The following CCDC148 variants were observed in gnomAD, a reference collection of about 807,000 sequenced individuals.
CCDC148 encodes coiled-coil domain-containing protein 148.
In CCDC148, 89 loss-of-function variants were observed where a neutral mutation model predicts 85.7. The observed-to-expected ratio is 1.04, with a 90% CI of 0.87 to 1.24. The LOEUF is 1.24. Among genes scored for constraint, CCDC148 ranks in the 50% most tolerant of loss-of-function variants. CCDC148 has a pLI of 0.00. For missense variants in CCDC148, 692 were observed against 671.7 expected, an observed-to-expected ratio of 1.03 and a Z score of -0.33; for synonymous variants, 230 against 213.9, an observed-to-expected ratio of 1.08 and a Z score of -0.66.
intron 1 of CCDC148, among the ~76,000 whole-genome samples, chr2:158,454,975 A>C (rs1375507412): frequency 8.5e-5 from 13 of 152,250 alleles, no homozygotes; most frequent in Non-Finnish European, 1.5e-5. Flanking sequence ...CCCACACAAA[A>C]AGATTATTGG....
At chr2:158,345,095 T>C (rs539199392) in intron 3 of CCDC148, 120 bp downstream of exon 3, 13 of 632,904 alleles carry the variant, frequency 2.1e-5, no homozygotes, top group African/African-American at 9.7e-5. Context: ...CACATTCAAA[T>C]CGTAACTTTA....
intron 9 of CCDC148, among the ~76,000 whole-genome samples, chr2:158,292,888 A>C (rs1344304528): frequency 6.6e-6 from 1 of 152,236 alleles, no homozygotes; most frequent in Non-Finnish European, 1.5e-5. Flanking sequence ...AAAGGAGTAC[A>C]CAAGATTCCT....
At chr2:158,351,537 T>C (rs1683288446) in intron 2 of CCDC148, among the ~76,000 whole-genome samples, 1 of 152,098 alleles carries the variant, frequency 6.6e-6, no homozygotes, top group Non-Finnish European at 1.5e-5. Context: ...AACCGGCGCA[T>C]CACGAGATTA....
intron 11 of CCDC148, among the ~76,000 whole-genome samples, chr2:158,185,161 T>C (rs546080849): frequency 6.6e-6 from 1 of 152,284 alleles, no homozygotes; most frequent in Admixed American, 6.5e-5. Context: ...AACCCCATTC[T>C]TTCCCAGCCC....
At chr2:158,396,430 A>G (rs1685526026) in intron 1 of CCDC148, among the ~76,000 whole-genome samples, 1 of 152,082 alleles carries the variant, frequency 6.6e-6, no homozygotes, top group Non-Finnish European at 1.5e-5. Context: ...TCTAGCTTGC[A>G]CTGCTGTCTT....
intron 10 of CCDC148, among the ~76,000 whole-genome samples, chr2:158,243,952 T>A (rs1688456915): frequency 6.6e-6 from 1 of 152,184 alleles, no homozygotes; most frequent in African/African-American, 2.4e-5. Flanking sequence ...TAATTTGTTT[T>A]CCATCTAACT....
chr2:158,293,652 C>T (rs1165060270), intron 9 of CCDC148, among the ~76,000 whole-genome samples: 1 of 152,038 alleles, frequency 6.6e-6, no homozygotes, highest in Admixed American at 6.6e-5. Context: ...CTATGGTTGG[C>T]CTTAGAGATA....
At chr2:158,386,257 G>C (rs758222877) in intron 1 of CCDC148, among the ~76,000 whole-genome samples, 1 of 152,034 alleles carries the variant, frequency 6.6e-6, no homozygotes, top group African/African-American at 2.4e-5. Flanking sequence ...TAAACAACTT[G>C]TTCAAGGATG....
chr2:158,300,347 G>C (rs1365535536), intron 9 of CCDC148, among the ~76,000 whole-genome samples: 1 of 152,154 alleles, frequency 6.6e-6, no homozygotes, highest in Non-Finnish European at 1.5e-5. Flanking sequence ...GGTAGGGGGA[G>C]GCTTACACCA....
At chr2:158,263,697 T>C (rs1423051203) in intron 9 of CCDC148, among the ~76,000 whole-genome samples, 2 of 152,040 alleles carry the variant, frequency 1.3e-5, no homozygotes, top group African/African-American at 4.8e-5. Flanking sequence ...ATTCTGCAAT[T>C]CTGGGCTTTC....
In CCDC148 at chr2:158,366,037, G is replaced by C. The variant is rs559725142; in HGVS notation, c.26-7467C>G. 1.6e-5 allele frequency: 25 copies of C among 1,543,036 alleles called. No individual in the cohort carries two copies. In the East Asian group the frequency reaches 5.7e-4, roughly 35 times the overall value. On this transcript the variant is annotated intron_variant, in intron 1 of 13. Coordinates refer to ENST00000283233, the MANE Select transcript of CCDC148 (RefSeq NM_138803.4). ...ACCTGAGCTATCATTTCTCTGAATT[G>C]TCATGAATGGTTGGTCTCTTTGATT...
rs113321740 is a variant in CCDC148, at chr2:158,301,570, A to T, written c.1110+7863T>A. Reference sequence around the variant, plus strand: ...GGAATCACGAGGAGGCTTAGTGGCCAATGAAGTAAGGATATAAGAGCAAAG... The same window carrying T: ...GGAATCACGAGGAGGCTTAGTGGCCTATGAAGTAAGGATATAAGAGCAAAG... On this transcript the variant is annotated intron_variant, in intron 9 of 13. Transcript: ENST00000283233. Among the ~76,000 whole-genome samples, 530 of 152,330 alleles carry T rather than the reference A, an allele frequency of 3.5e-3. 2 individuals carry two copies. The highest frequency in any genetic ancestry group is 0.012 in the African/African-American group (509 of 41,570).
intron 9 of CCDC148, among the ~76,000 whole-genome samples, chr2:158,271,614 T>G (rs541217911): frequency 2.6e-5 from 4 of 152,298 alleles, no homozygotes; most frequent in African/African-American, 9.6e-5. Flanking sequence ...TCATATAACT[T>G]GTATTGCAAT....
intron 7 of CCDC148, among the ~76,000 whole-genome samples, chr2:158,331,099 T>G (rs138028713): frequency 0.042 from 6,379 of 152,306 alleles, 230 homozygotes; most frequent in Middle Eastern, 0.054. Flanking sequence ...AATTGTGATG[T>G]TAGGGTGCCA....
chr2:158,295,211 C>G (rs1691121274), intron 9 of CCDC148, among the ~76,000 whole-genome samples: 3 of 151,960 alleles, frequency 2.0e-5, no homozygotes, highest in African/African-American at 7.3e-5. Flanking sequence ...ATAACAGGAG[C>G]TGAAATTGTG....
intron 1 of CCDC148, among the ~76,000 whole-genome samples, chr2:158,399,402 G>A (rs774175557): frequency 3.2e-4 from 48 of 152,102 alleles, no homozygotes; most frequent in Admixed American, 2.0e-4. Context: ...ACCAAATCCA[G>A]CAGTACATCA....
chr2:158,181,812 G>C (rs915675001), intron 11 of CCDC148, among the ~76,000 whole-genome samples: 2 of 151,942 alleles, frequency 1.3e-5, no homozygotes. Flanking sequence ...TGGACTGTGG[G>C]GGTTTTGAAA....
rs1161504916 is a variant in CCDC148 at position 158,338,829 on chromosome 2, A to G, written c.661T>C (p.Tyr221His). Residue 221 changes from tyrosine (Y) to histidine (H), a missense_variant, in exon 7 of 14, where the codon TAC (tyrosine) becomes CAC (histidine). By Grantham distance (83) the Tyr-to-His change is moderately conservative (BLOSUM62 2). Coordinates refer to ENST00000283233, the MANE Select transcript of CCDC148 (RefSeq NM_138803.4). ...PIELESLECP[Y>H]PDLKSSILSE... ...AGAATTGAAGATTTCAAATCAGGGT[A>G]TGGGCATTCCAAACTTTCTAATTCA... 7 of 1,612,714 alleles carry G rather than the reference A, an allele frequency of 4.3e-6. No homozygotes were observed. Among genetic ancestry groups the G allele is most frequent in the Non-Finnish European group, 5.9e-6 (7 of 1,179,606 alleles).
chr2:158,211,708 T>C lies in CCDC148; in HGVS notation c.1370+8887A>G, dbSNP rs1686587185. 2.6e-5 allele frequency among the ~76,000 whole-genome samples: 4 copies of C among 152,244 alleles called. No homozygotes were observed. The South Asian group carries it at 8.3e-4, about 32-fold the overall frequency. On this transcript the variant is annotated intron_variant, in intron 11 of 13. Coordinates refer to ENST00000283233, the MANE Select transcript of CCDC148 (RefSeq NM_138803.4). ...AAGGAACCAGAGATGTACAGTCAAC[T>C]TGATGTACAGTCATCAGGAGCTAAA... is the stretch of plus-strand genomic sequence containing the variant.
Sources: gnomAD v4.1 joint callset for allele counts (sites outside exome capture counted in the v4.1 genomes callset) on GRCh38, gnomAD v4.1.1 for gene constraint, MANE v1.5 for transcripts, NCBI Gene and HGNC (gene_info 2026-07-23, HGNC 2026-07-21) for gene names.